The following HCLS1 variants were observed in gnomAD, a reference collection of about 807,000 sequenced individuals.
The protein encoded by HCLS1 is hematopoietic cell-specific Lyn substrate 1.
Under a neutral mutation model 68.6 loss-of-function variants are expected in HCLS1, and 44 were observed. The observed-to-expected ratio is 0.64, with a 90% CI of 0.50 to 0.82. HCLS1 has a LOEUF of 0.82. HCLS1 is among the 40% of genes least tolerant of loss of function. The pLI is 0.00. For missense variants in HCLS1, 602 were observed against 612.1 expected, an observed-to-expected ratio of 0.98 and a Z score of 0.17; for synonymous variants, 217 against 225.8, an observed-to-expected ratio of 0.96 and a Z score of 0.35.
chr3:121,652,960 C>A (rs1047835419), intron 3 of HCLS1, among the ~76,000 whole-genome samples: 2 of 152,082 alleles, frequency 1.3e-5, no homozygotes, highest in Non-Finnish European at 2.9e-5. Context: ...CAGACTGAGC[C>A]GAATTCAAAT....
rs778606518 is a variant in HCLS1 at position 121,632,323 on chromosome 3, A to G, written c.1240+9T>C. On this transcript the variant is annotated intron_variant, in intron 12 of 13. Transcript: ENST00000314583. ...AGCAAATTCTCCTGCTTCTCCTCCCATCACTCACCAGCCAGAGCAGAAGAA... is the reference window on the plus strand; with the variant it reads ...AGCAAATTCTCCTGCTTCTCCTCCCGTCACTCACCAGCCAGAGCAGAAGAA... 22 of 1,613,290 alleles carry G rather than the reference A, an allele frequency of 1.4e-5. 1 individual carries two copies. In the South Asian group the frequency reaches 1.9e-4, roughly 14 times the overall value.
chr3:121,659,054 A>T (rs1051098690), intron 1 of HCLS1, among the ~76,000 whole-genome samples: 5 of 152,256 alleles, frequency 3.3e-5, no homozygotes, highest in Admixed American at 6.5e-5. Context: ...AAGTCAAAAA[A>T]TAGCATGTTT....
At chr3:121,658,661 T>A (rs1388525753) in intron 1 of HCLS1, among the ~76,000 whole-genome samples, 2 of 152,230 alleles carry the variant, frequency 1.3e-5, no homozygotes, top group African/African-American at 2.4e-5. Flanking sequence ...TGTTCACTTG[T>A]GTCCCGAGGC....
intron 6 of HCLS1, among the ~76,000 whole-genome samples, chr3:121,641,828 T>C (rs750997470): frequency 6.6e-6 from 1 of 152,104 alleles, no homozygotes; most frequent in African/African-American, 2.4e-5. Context: ...AAGCCTGTAA[T>C]CCCAGCACTT....
chr3:121,649,501 C>T (rs1032497606), intron 3 of HCLS1, among the ~76,000 whole-genome samples: 1 of 152,190 alleles, frequency 6.6e-6, no homozygotes, highest in African/African-American at 2.4e-5. Flanking sequence ...TCCCAAAGTG[C>T]TGGGATTACA....
At chr3:121,657,995 C>A in intron 2 of HCLS1, 1 of 414,314 alleles carries the variant, frequency 2.4e-6, no homozygotes, top group Non-Finnish European at 4.4e-6. Context: ...GACCCAGGTT[C>A]ACCTGCTTCT....
Position 121,632,468 on chromosome 3 carries a change from G to GGGCTTAGGCTCA in HCLS1, c.1103_1104insTGAGCCTAAGCC (p.Pro370_Glu371insLysProGluPro). The GGGCTTAGGCTCA allele has an allele frequency of 6.2e-7, 1 of 1,613,118 alleles. No homozygotes were observed. The highest frequency in any genetic ancestry group is 8.5e-7 in the Non-Finnish European group (1 of 1,179,660). On this transcript the variant is annotated inframe_insertion, in exon 12 of 14. Transcript: ENST00000314583. ...CATTCTCAGGCTCGGGCTCAGGCTCGGGCTCAGGCTCAGGCTCTGCTTCGT... is the reference window on the plus strand; with the variant it reads ...CATTCTCAGGCTCGGGCTCAGGCTCGGGCTTAGGCTCAGGCTCAGGCTCAGGCTCTGCTTCGT...
intron 6 of HCLS1, 50 bp from the exon 7 acceptor site, chr3:121,637,306 C>A: frequency 1.6e-6 from 2 of 1,235,840 alleles, no homozygotes; most frequent in Non-Finnish European, 2.4e-6. Context: ...CTCCAGCACA[C>A]AGGGAAGCGC....
intron 10 of HCLS1, among the ~76,000 whole-genome samples, chr3:121,633,415 T>C (rs1227667431): frequency 6.6e-6 from 1 of 152,130 alleles, no homozygotes; most frequent in Non-Finnish European, 1.5e-5. Flanking sequence ...AGGGTTTCAC[T>C]ATGTTGGTCA....
At chr3:121,636,302 C>T (rs563959824) in intron 8 of HCLS1, 132 bp downstream of exon 8, 33 of 731,030 alleles carry the variant, frequency 4.5e-5, no homozygotes, top group South Asian at 1.3e-4. Flanking sequence ...GACTGCAGGA[C>T]GCCAGCAGGA....
intron 6 of HCLS1, 59 bp downstream of exon 6, chr3:121,642,868 C>A: frequency 7.6e-7 from 1 of 1,313,364 alleles, no homozygotes; most frequent in South Asian, 1.2e-5. Flanking sequence ...AAGATAAAGT[C>A]TTAGCAGAAG....
At chr3:121,643,054 T>C in intron 5 of HCLS1, 73 bp from the exon 6 acceptor site, 1 of 1,222,222 alleles carries the variant, frequency 8.2e-7, no homozygotes. Flanking sequence ...CTCCCCTTAC[T>C]CCCAGCCAGC....
intron 5 of HCLS1, chr3:121,643,925 C>T (rs1039465322): frequency 6.6e-6 from 1 of 152,436 alleles, no homozygotes; most frequent in Middle Eastern, 3.4e-3. Flanking sequence ...TTGCCTTCTA[C>T]ATCTTCCCTT....
intron 6 of HCLS1, among the ~76,000 whole-genome samples, chr3:121,641,420 T>C (rs778826424): frequency 1.3e-5 from 2 of 152,068 alleles, no homozygotes; most frequent in African/African-American, 4.8e-5. Context: ...AAGAAGGAAA[T>C]AGAAGACACA....
intron 6 of HCLS1, among the ~76,000 whole-genome samples, chr3:121,642,320 T>C (rs886984016): frequency 1.2e-4 from 14 of 121,306 alleles, no homozygotes; most frequent in African/African-American, 4.2e-4. Flanking sequence ...AAAAAAAAAA[T>C]TAGCCAGGCG....
At chr3:121,651,604 A>C (rs1156648656) in intron 3 of HCLS1, among the ~76,000 whole-genome samples, 4 of 152,094 alleles carry the variant, frequency 2.6e-5, no homozygotes, top group Non-Finnish European at 5.9e-5. Flanking sequence ...ATTTTTTTGT[A>C]GACTCTGAAT....
At position 121,632,518 on chromosome 3, in the gene HCLS1, G is replaced by A. The variant is rs775968916; in HGVS notation, c.1054C>T (p.Leu352Phe). ...PALPPRTLEG[L>F]QVEEEPVYEA... is the part of the protein sequence containing the mutation. ...TACACTGGCTCTTCCTCCACCTGGA[G>A]GCCTTCCAGAGTCCTAGGGGGCAGA... is the stretch of plus-strand genomic sequence containing the variant. Residue 352 changes from leucine to phenylalanine, a missense_variant, in exon 12 of 14, where the codon CTC becomes TTC. Physicochemically the swap from Leu to Phe is conservative, Grantham distance 22. Coordinates refer to ENST00000314583, the MANE Select transcript of HCLS1 (RefSeq NM_005335.6). The A allele has an allele frequency of 5.7e-5, 92 of 1,612,378 alleles. 1 individual carries two copies. The South Asian group carries it at 9.6e-4, about 17-fold the overall frequency.
At chr3:121,635,661 G>T in intron 9 of HCLS1, 74 bp downstream of exon 9, 1 of 1,150,854 alleles carries the variant, frequency 8.7e-7, no homozygotes, top group Non-Finnish European at 1.3e-6. Flanking sequence ...AGGCATGGAG[G>T]ATATAGTCTG....
intron 10 of HCLS1, 39 bp from the exon 11 acceptor site, chr3:121,633,210 C>T (rs1482120611): frequency 3.1e-6 from 4 of 1,292,318 alleles, no homozygotes; most frequent in East Asian, 2.5e-5. Context: ...AGCAAGCCTC[C>T]ATCTTCACTC....
Sources: allele counts gnomAD v4.1 joint callset (sites outside exome capture counted in the v4.1 genomes callset), GRCh38; gene constraint gnomAD v4.1.1; transcripts MANE v1.5; gene names NCBI Gene and HGNC (gene_info 2026-07-23, HGNC 2026-07-21).